CAST: variants seen among roughly 807,000 people sequenced by gnomAD.
The protein encoded by CAST is calpastatin.
Under a neutral mutation model 119.6 loss-of-function variants are expected in CAST, and 76 were observed. The observed-to-expected ratio is 0.64, with a 90% confidence interval of 0.53 to 0.77. The LOEUF is 0.77. Among genes scored for constraint, CAST ranks in the 30% least tolerant of loss-of-function variants. The pLI, the probability that CAST is intolerant of heterozygous loss-of-function variation, is 0.00. For synonymous variants in CAST, 319 were observed against 331.6 expected (o/e 0.96, Z 0.41); for missense variants, 953 against 946.5 (o/e 1.01, Z -0.09).
rs531800425 is a variant in CAST, at chr5:96,556,259, A to T, written c.60+26379A>T. Among the ~76,000 whole-genome samples the T allele has an allele frequency of 1.6e-4, 24 of 152,350 alleles. No homozygotes were observed. The South Asian group carries it at 5.0e-3, about 32-fold the overall frequency. The stretch of plus-strand genomic sequence containing the variant: ...GGTAGATAAGACCACAAAGATGGGG[A>T]AAAAACAGAGCAGAAAAACTGGAAA... On this transcript the variant is annotated intron_variant, in intron 1 of 11. Coordinates refer to the CAST transcript ENST00000505143.
At chr5:96,161,440 C>G in the CAST span, among the ~76,000 whole-genome samples, 2 of 152,230 alleles carry the variant, frequency 1.3e-5, no homozygotes, top group East Asian at 3.9e-4. Context: ...AACTAACCAA[C>G]CATAAAAAAA....
the CAST span, among the ~76,000 whole-genome samples, chr5:96,169,033 C>T: frequency 4.6e-5 from 7 of 152,264 alleles, no homozygotes; most frequent in African/African-American, 1.7e-4. Context: ...AAAAAGGCTA[C>T]AGGGCGCGGT....
chr5:96,699,326 A>C (rs1183628940), intron 3 of CAST, among the ~76,000 whole-genome samples: 1 of 152,238 alleles, frequency 6.6e-6, no homozygotes, highest in Non-Finnish European at 1.5e-5. Context: ...TGCTATTAAG[A>C]AGATGTACTG....
At chr5:96,360,685 C>T in the CAST span, among the ~76,000 whole-genome samples, 1 of 152,324 alleles carries the variant, frequency 6.6e-6, no homozygotes, top group African/African-American at 2.4e-5. Flanking sequence ...GAGATTGCTG[C>T]CTGTTCCTTC....
At chr5:96,121,113 T>C in the CAST span, among the ~76,000 whole-genome samples, 25 of 152,250 alleles carry the variant, frequency 1.6e-4, no homozygotes, top group African/African-American at 5.3e-4. Context: ...CATGACTTTC[T>C]TATTGATTTT....
the CAST span, among the ~76,000 whole-genome samples, chr5:96,078,340 A>G: frequency 6.6e-6 from 1 of 152,008 alleles, no homozygotes; most frequent in Admixed American, 6.6e-5. Context: ...CCTCCTAATT[A>G]AGGGGTACTT....
the CAST span, among the ~76,000 whole-genome samples, chr5:96,255,271 C>G: frequency 6.6e-6 from 1 of 152,036 alleles, no homozygotes; most frequent in East Asian, 1.9e-4. Flanking sequence ...TGCCTCAAAG[C>G]TTGGAATGTT....
intron 1 of CAST, among the ~76,000 whole-genome samples, chr5:96,589,398 A>G (rs538003996): frequency 1.8e-4 from 27 of 152,306 alleles, no homozygotes; most frequent in African/African-American, 6.5e-4. Context: ...TTTCTTCTTT[A>G]AAAACTGGTG....
Position 96,645,167 on chromosome 5 carries a change from G to T in CAST, c.61-30372G>T, listed in dbSNP as rs1780749710. The stretch of plus-strand genomic sequence containing the variant: ...TTCCTTGTTTTTCATGCCCTTGACA[G>T]TTGGAGTACATCTAGTATTTTGTAA... On this transcript the variant is annotated intron_variant, in intron 1 of 11. Coordinates refer to the CAST transcript ENST00000505143. 4.6e-5 allele frequency among the ~76,000 whole-genome samples: 7 copies of T among 152,138 alleles called. 1 individual carries two copies. Among genetic ancestry groups the T allele is most frequent in the Admixed American group, 4.6e-4 (7 of 15,278 alleles).
At chr5:96,110,662 G>A in the CAST span, among the ~76,000 whole-genome samples, 1 of 152,196 alleles carries the variant, frequency 6.6e-6, no homozygotes, top group Admixed American at 6.5e-5. Flanking sequence ...GGGAAGGTTA[G>A]TAAAATTAAC....
chr5:96,327,273 A>G, the CAST span, among the ~76,000 whole-genome samples: 3 of 152,206 alleles, frequency 2.0e-5, no homozygotes, highest in African/African-American at 7.2e-5. Flanking sequence ...TGACTTCTCA[A>G]TAAATGGTAA....
upstream of CAST, among the ~76,000 whole-genome samples, chr5:96,526,337 T>G (rs1406799387): frequency 6.6e-6 from 1 of 152,202 alleles, no homozygotes; most frequent in South Asian, 2.1e-4. Flanking sequence ...AGATAAATTA[T>G]GGGAAGGTAG....
chr5:96,741,938 A>G (rs1762772342), intron 15 of CAST: 1 of 196,924 alleles, frequency 5.1e-6, no homozygotes, highest in Non-Finnish European at 1.1e-5. Flanking sequence ...AGGGACACCA[A>G]GTAGCTGGTA....
the CAST span, among the ~76,000 whole-genome samples, chr5:95,972,633 A>G: frequency 6.6e-6 from 1 of 152,128 alleles, no homozygotes; most frequent in South Asian, 2.1e-4. Context: ...ATTCAAAAAC[A>G]TTTTCCCCCA....
chr5:96,078,651 C>T, the CAST span, among the ~76,000 whole-genome samples: 2,886 of 152,134 alleles, frequency 0.019, 58 homozygotes, highest in South Asian at 0.053. Flanking sequence ...ATGAAACAAA[C>T]CAAGAAAGAA....
chr5:96,148,104 C>T, the CAST span, among the ~76,000 whole-genome samples: 1 of 152,172 alleles, frequency 6.6e-6, no homozygotes, highest in Non-Finnish European at 1.5e-5. Flanking sequence ...CACAGGGACT[C>T]TTTGGTCATG....
chr5:96,164,178 C>T, the CAST span, among the ~76,000 whole-genome samples: 2 of 152,152 alleles, frequency 1.3e-5, no homozygotes, highest in Non-Finnish European at 2.9e-5. Flanking sequence ...AAAATATGCA[C>T]ACATACATAC....
At chr5:96,641,577 C>T (rs551411098) in intron 1 of CAST, among the ~76,000 whole-genome samples, 2 of 152,214 alleles carry the variant, frequency 1.3e-5, no homozygotes, top group Admixed American at 1.3e-4. Context: ...GAGTTTAGAC[C>T]CTTACGACCT....
At chr5:96,407,573 G>C in the CAST span, among the ~76,000 whole-genome samples, 1 of 152,166 alleles carries the variant, frequency 6.6e-6, no homozygotes, top group Non-Finnish European at 1.5e-5. Context: ...CTTGCCCTTT[G>C]ACCCAGAAAT....
Sources: gnomAD v4.1 joint callset for allele counts (sites outside exome capture counted in the v4.1 genomes callset) on GRCh38, gnomAD v4.1.1 for gene constraint, MANE v1.5 for transcripts, NCBI Gene and HGNC (gene_info 2026-07-23, HGNC 2026-07-21) for gene names.